The following ARHGEF18 variants were observed in gnomAD, a reference collection of about 807,000 sequenced individuals.
ARHGEF18 encodes the protein Rho/Rac guanine nucleotide exchange factor 18.
In ARHGEF18, 93 loss-of-function variants were observed where a neutral mutation model predicts 155.7. The observed-to-expected ratio is 0.60, with a 90% CI of 0.50 to 0.71. ARHGEF18 has a LOEUF of 0.71. ARHGEF18 is among the 30% of genes least tolerant of loss of function. The pLI is 0.00. For synonymous variants in ARHGEF18, 742 were observed against 753.1 expected (o/e 0.99, Z 0.24); for missense variants, 1,593 against 1,816.1 (o/e 0.88, Z 2.23).
intron 10 of ARHGEF18, among the ~76,000 whole-genome samples, chr19:7,410,270 A>G (rs1275690083): frequency 1.3e-5 from 2 of 151,962 alleles, no homozygotes; most frequent in South Asian, 2.1e-4. Flanking sequence ...GATCTGCTGA[A>G]AGAGAAACCC....
At chr19:7,441,075 T>C (rs1974610776) in intron 11 of ARHGEF18, among the ~76,000 whole-genome samples, 2 of 151,846 alleles carry the variant, frequency 1.3e-5, no homozygotes, top group Admixed American at 1.3e-4. Context: ...TCAAGGAAGC[T>C]GCAATCCACA....
At position 7,395,003 on chromosome 19, in the gene ARHGEF18, G is replaced by A; in HGVS notation, c.967+11800G>A. 1.0e-6 allele frequency: 1 copy of A among 972,402 alleles called. No individual in the cohort carries two copies. The highest frequency in any genetic ancestry group is 4.7e-5 in the South Asian group (1 of 21,060). 60.2% of individuals were successfully genotyped at this position (972,402 alleles called of 1,614,324 possible). ...CCGACGCCCCCTCACCACGGCTCGG[G>A]GAGCAGCAGCCCCAGGTCCCCGGGA... On this transcript the variant is annotated intron_variant, in intron 10 of 28. Coordinates refer to ENST00000668164, the MANE Select transcript of ARHGEF18 (RefSeq NM_001367823.1). The surrounding 1 kb of genome is among the most constrained non-coding windows in gnomAD (Gnocchi z 5.0).
chr19:7,466,701 G>A (rs1976628266), intron 23 of ARHGEF18, among the ~76,000 whole-genome samples: 1 of 149,986 alleles, frequency 6.7e-6, no homozygotes, highest in Non-Finnish European at 1.5e-5. Context: ...TTACTCGGGA[G>A]GTTGAGGCAG....
At chr19:7,451,378 A>C in intron 16 of ARHGEF18, 112 bp downstream of exon 16, 4 of 801,230 alleles carry the variant, frequency 5.0e-6, no homozygotes, top group Non-Finnish European at 7.6e-6. Flanking sequence ...TTTGAAATCC[A>C]GTTTGCTGGG....
chr19:7,475,199 T>G (rs1227734708), downstream of ARHGEF18, among the ~76,000 whole-genome samples: 1 of 152,138 alleles, frequency 6.6e-6, no homozygotes, highest in Non-Finnish European at 1.5e-5. Context: ...GCCACCGCAC[T>G]CCAGCCTAGG....
chr19:7,378,186 G>GT (rs1970551721), intron 5 of ARHGEF18, among the ~76,000 whole-genome samples: 1 of 152,182 alleles, frequency 6.6e-6, no homozygotes, highest in Non-Finnish European at 1.5e-5. Flanking sequence ...TTAGTAGGTT[G>GT]TAAGCACTCA....
intron 3 of ARHGEF18, among the ~76,000 whole-genome samples, chr19:7,374,668 ACT>A (rs1046540242): frequency 4.1e-5 from 6 of 145,864 alleles, no homozygotes; most frequent in South Asian, 2.1e-4. Flanking sequence ...ACAGAGCGAG[ACT>A]CTGTCTCAAA....
In ARHGEF18 at chr19:7,352,394, A is replaced by G. The variant is rs114446244; in HGVS notation, c.-111+3153A>G. On this transcript the variant is annotated intron_variant, in intron 1 of 28. Coordinates refer to ENST00000668164, the MANE Select transcript of ARHGEF18 (RefSeq NM_001367823.1). Reference sequence around the variant, plus strand: ...TTCCAATGTTTATTTCCCCAACATAAGATTGCTAAGAGCTACATTCAGGTT... The same window carrying G: ...TTCCAATGTTTATTTCCCCAACATAGGATTGCTAAGAGCTACATTCAGGTT... Among the ~76,000 whole-genome samples, 1,016 of 151,934 alleles carry G rather than the reference A, an allele frequency of 6.7e-3. 14 individuals carry two copies. Among genetic ancestry groups the G allele is most frequent in the African/African-American group, 0.024 (977 of 41,450 alleles).
intron 20 of ARHGEF18, among the ~76,000 whole-genome samples, chr19:7,460,455 T>C (rs1237131840): frequency 6.6e-6 from 1 of 152,130 alleles, no homozygotes; most frequent in Non-Finnish European, 1.5e-5. Flanking sequence ...CAGGGGCATT[T>C]CAGTGCATTT....
chr19:7,350,819 T>TGTGTG (rs1969140289), intron 1 of ARHGEF18, among the ~76,000 whole-genome samples: 1 of 133,724 alleles, frequency 7.5e-6, no homozygotes, highest in Non-Finnish European at 1.6e-5. Flanking sequence ...TGTGTGTGTG[T>TGTGTG]TGGAGATAGA....
intron 10 of ARHGEF18, among the ~76,000 whole-genome samples, chr19:7,436,353 CACA>C (rs1399384692): frequency 2.0e-5 from 3 of 151,888 alleles, no homozygotes; most frequent in African/African-American, 7.3e-5. Flanking sequence ...CTCGGCTTAC[CACA>C]ACCTCTGCCT....
downstream of ARHGEF18, among the ~76,000 whole-genome samples, chr19:7,474,321 A>G (rs954830048): frequency 2.0e-5 from 3 of 152,056 alleles, no homozygotes; most frequent in Non-Finnish European, 2.9e-5. Flanking sequence ...CTGGGGGACA[A>G]CAGTGAGACT....
chr19:7,433,141 A>G (rs1974056404), intron 10 of ARHGEF18, among the ~76,000 whole-genome samples: 1 of 150,042 alleles, frequency 6.7e-6, no homozygotes, highest in Admixed American at 6.7e-5. Flanking sequence ...AGCCTAGATG[A>G]TGGAGCGAGA....
intron 10 of ARHGEF18, among the ~76,000 whole-genome samples, chr19:7,411,301 C>T (rs945760754): frequency 6.6e-4 from 83 of 125,360 alleles, no homozygotes; most frequent in Non-Finnish European, 1.2e-3. Context: ...CCCTCCCCTT[C>T]CCTTTTCTTT....
chr19:7,397,412 C>T (rs865828211), intron 10 of ARHGEF18, among the ~76,000 whole-genome samples: 12 of 150,900 alleles, frequency 8.0e-5, no homozygotes, highest in African/African-American at 2.0e-4. Context: ...ACTACAGACA[C>T]GCGCTTCCAT....
At chr19:7,429,716 T>A (rs1223581800) in intron 10 of ARHGEF18, among the ~76,000 whole-genome samples, 1 of 152,188 alleles carries the variant, frequency 6.6e-6, no homozygotes, top group Non-Finnish European at 1.5e-5. Context: ...CTGGGGCTCA[T>A]GTCCCTGGCA....
chr19:7,371,236 G>C (rs1350350626), intron 2 of ARHGEF18, among the ~76,000 whole-genome samples: 1 of 152,168 alleles, frequency 6.6e-6, no homozygotes, highest in African/African-American at 2.4e-5. Flanking sequence ...AGAAAGGTGG[G>C]TGCCAGGGGC....
chr19:7,479,353 G>A, the ARHGEF18 span, among the ~76,000 whole-genome samples: 2 of 152,138 alleles, frequency 1.3e-5, no homozygotes, highest in African/African-American at 2.4e-5. Flanking sequence ...GGGTGGTGGT[G>A]GGCGCCTGTA....
intron 23 of ARHGEF18, 32 bp from the exon 24 acceptor site, chr19:7,466,886 C>T: frequency 1.2e-6 from 2 of 1,609,930 alleles, no homozygotes; most frequent in East Asian, 4.5e-5. Flanking sequence ...TCTTGAGCCA[C>T]TCTCTCTGGT....
Sources: gnomAD v4.1 joint callset for allele counts (sites outside exome capture counted in the v4.1 genomes callset) on GRCh38, gnomAD v4.1.1 for gene constraint, Gnocchi (gnomAD v3.1) non-coding constraint, MANE v1.5 for transcripts, NCBI Gene and HGNC (gene_info 2026-07-23, HGNC 2026-07-21) for gene names.